ACSS3: variants seen among roughly 807,000 people sequenced by gnomAD.
ACSS3 encodes the protein acyl-CoA synthetase short-chain family member 3, mitochondrial.
In ACSS3, 64 loss-of-function variants were observed where a neutral mutation model predicts 84.2. The ratio of observed to expected loss-of-function variants is 0.76; its 90% CI spans 0.62 to 0.94. The LOEUF (loss-of-function observed/expected upper bound fraction) is 0.94. Among genes scored for constraint, ACSS3 ranks in the 40% least tolerant of loss-of-function variants. The probability of loss-of-function intolerance (pLI) is 0.00; values close to 1 mark genes in which losing one functional copy is unlikely to be tolerated. For missense variants in ACSS3, 815 were observed against 867.6 expected, an observed-to-expected ratio of 0.94 and a Z score of 0.76; for synonymous variants, 317 against 310.1, an observed-to-expected ratio of 1.02 and a Z score of -0.23.
At chr12:81,163,719 C>T (rs1402204302) in intron 7 of ACSS3, among the ~76,000 whole-genome samples, 1 of 151,912 alleles carries the variant, frequency 6.6e-6, no homozygotes, top group Non-Finnish European at 1.5e-5. Context: ...CCTGTGTAGG[C>T]CTAGGCTAAT....
chr12:81,139,269 AT>A lies in ACSS3; in HGVS notation c.780+5del. On this transcript the variant is annotated splice_donor_5th_base_variant and intron_variant, in intron 4 of 15. Transcript: ENST00000548058. ...CATTTATAATCGTCCAAATATGGTA[AT>A]CTGAATATTGAATTTGGTTCTTGCT... 1 of 1,613,618 alleles carries A rather than the reference AT, an allele frequency of 6.2e-7. No individual in the cohort carries two copies. The highest frequency in any genetic ancestry group is 1.7e-4 in the Middle Eastern group (1 of 6,058).
intron 9 of ACSS3, among the ~76,000 whole-genome samples, chr12:81,214,788 T>G (rs1921059): frequency 0.46 from 69,331 of 151,952 alleles, 16,094 homozygotes; most frequent in Middle Eastern, 0.5. Context: ...CTGTAAGAAC[T>G]GTAGAGAGTT....
chr12:81,098,799 C>T (rs1882275161), intron 1 of ACSS3, among the ~76,000 whole-genome samples: 1 of 152,196 alleles, frequency 6.6e-6, no homozygotes, highest in Non-Finnish European at 1.5e-5. Context: ...TTTTCACATC[C>T]ATCAGCTCCT....
chr12:81,078,399 G>T lies in ACSS3; in HGVS notation c.279G>T (p.Thr93=), dbSNP rs540422865. 13 of 1,612,510 alleles carry T rather than the reference G, an allele frequency of 8.1e-6. No homozygotes were observed. Among genetic ancestry groups the T allele is most frequent in the African/African-American group, 6.7e-5 (5 of 74,850 alleles). The part of the protein sequence containing the change: ...QISWYKPWTK[T]LENKHSPSTR... ...GCTGGTACAAGCCCTGGACCAAAAC[G>T]CTGGAGAACAAACACTCGCCCTCTA... Residue 93 remains threonine (T), a synonymous_variant, in exon 1 of 16, where the codon ACG becomes ACT. Transcript: ENST00000548058.
chr12:81,234,893 C>T (rs556927153), intron 13 of ACSS3, among the ~76,000 whole-genome samples: 42 of 151,302 alleles, frequency 2.8e-4, no homozygotes, highest in African/African-American at 9.9e-4. Context: ...GAAAAAAATA[C>T]TTTTCATTTT....
At chr12:81,214,012 G>T (rs1177520268) in intron 9 of ACSS3, among the ~76,000 whole-genome samples, 32 of 48,762 alleles carry the variant, frequency 6.6e-4, no homozygotes, top group Admixed American at 1.7e-3. Flanking sequence ...TCTTTCATCT[G>T]TCTGTCTGTC....
In ACSS3 at chr12:81,156,230, C is replaced by A. The variant is rs148408171; in HGVS notation, c.1098+4134C>A. 4.1e-3 allele frequency among the ~76,000 whole-genome samples: 622 copies of A among 151,384 alleles called. 4 individuals carry two copies. Among genetic ancestry groups the A allele is most frequent in the African/African-American group, 0.014 (588 of 41,338 alleles). On this transcript the variant is annotated intron_variant, in intron 7 of 15. Transcript: ENST00000548058. ...CACCCCACACACACACACACACACA[C>A]GTCTCTGGGTGTATATATCTCAAAC...
chr12:81,238,554 G>T (rs1286196143), intron 13 of ACSS3, among the ~76,000 whole-genome samples: 2 of 151,654 alleles, frequency 1.3e-5, no homozygotes, highest in Non-Finnish European at 2.9e-5. Flanking sequence ...ATAAATATAG[G>T]CCTATTCAGA....
intron 13 of ACSS3, among the ~76,000 whole-genome samples, chr12:81,234,319 T>C (rs2033559492): frequency 6.6e-6 from 1 of 151,466 alleles, no homozygotes; most frequent in African/African-American, 2.4e-5. Flanking sequence ...ATATGGGTTA[T>C]ATCTAGTTTG....
chr12:81,088,328 C>T (rs1160238155), intron 1 of ACSS3, among the ~76,000 whole-genome samples: 4 of 151,940 alleles, frequency 2.6e-5, no homozygotes, highest in Non-Finnish European at 4.4e-5. Context: ...CAATCGTTAC[C>T]GTATGGCATA....
chr12:81,170,539 C>G (rs2029954050), intron 7 of ACSS3, among the ~76,000 whole-genome samples: 1 of 152,004 alleles, frequency 6.6e-6, no homozygotes, highest in African/African-American at 2.4e-5. Context: ...ATCTAGGAAG[C>G]AACTAATAAT....
intron 1 of ACSS3, among the ~76,000 whole-genome samples, chr12:81,105,366 G>C (rs974266042): frequency 1.3e-5 from 2 of 152,044 alleles, no homozygotes; most frequent in African/African-American, 4.8e-5. Flanking sequence ...CTCAGGAATG[G>C]GCTCAACAGC....
At chr12:81,098,222 G>T (rs1367487449) in intron 1 of ACSS3, among the ~76,000 whole-genome samples, 2 of 151,310 alleles carry the variant, frequency 1.3e-5, no homozygotes, top group African/African-American at 4.9e-5. Flanking sequence ...TCTGGGGCTG[G>T]TTCCTGCCCT....
intron 11 of ACSS3, among the ~76,000 whole-genome samples, chr12:81,229,080 T>C (rs2033368102): frequency 1.3e-5 from 2 of 151,756 alleles, no homozygotes; most frequent in Admixed American, 1.3e-4. Context: ...TTTCCCTCAA[T>C]CCATCATAAA....
At chr12:81,192,409 CAGAA>C (rs1333542007) in intron 8 of ACSS3, among the ~76,000 whole-genome samples, 2 of 151,952 alleles carry the variant, frequency 1.3e-5, no homozygotes, top group African/African-American at 4.8e-5. Flanking sequence ...AAACAAAAAA[CAGAA>C]AGAAAAAAGA....
chr12:81,247,607 TAAG>T (rs1009516582), intron 13 of ACSS3, among the ~76,000 whole-genome samples: 17 of 152,124 alleles, frequency 1.1e-4, no homozygotes, highest in African/African-American at 3.4e-4. Flanking sequence ...ATTAAATGAC[TAAG>T]TTTTTATTAA....
rs972403248 is a variant in ACSS3 at position 81,186,562 on chromosome 12, A to G, written c.1250+11623A>G. Among the ~76,000 whole-genome samples the G allele has an allele frequency of 1.1e-4, 16 of 151,812 alleles. 1 individual carries two copies. Among genetic ancestry groups the G allele is most frequent in the African/African-American group, 3.6e-4 (15 of 41,412 alleles). ...AAATGGGCAAAATACCTGGAAACAC[A>G]TTTCTCCAAAGAAGGCATAAAAATA... On this transcript the variant is annotated intron_variant, in intron 8 of 15. Coordinates refer to ENST00000548058, the MANE Select transcript of ACSS3 (RefSeq NM_024560.4).
rs11613542 is a variant in ACSS3, at chr12:81,117,700, G to T, written c.456+7996G>T. ...TGATGGGAAGCTCCATATTGTCAAA[G>T]AAATCACTTTGGCATCTCTGAAGAT... is the stretch of plus-strand genomic sequence containing the variant. On this transcript the variant is annotated intron_variant, in intron 2 of 15. Coordinates refer to ENST00000548058, the MANE Select transcript of ACSS3 (RefSeq NM_024560.4). 8.4e-3 allele frequency among the ~76,000 whole-genome samples: 1,281 copies of T among 152,212 alleles called. 7 individuals carry two copies. The highest frequency in any genetic ancestry group is 0.013 in the Admixed American group (203 of 15,286).
At chr12:81,244,818 G>A (rs535222251) in intron 13 of ACSS3, among the ~76,000 whole-genome samples, 32 of 151,862 alleles carry the variant, frequency 2.1e-4, no homozygotes, top group South Asian at 4.2e-4. Flanking sequence ...CATATTAATC[G>A]TAGTTTTAAA....
Sources: gnomAD v4.1 joint callset for allele counts (sites outside exome capture counted in the v4.1 genomes callset) on GRCh38, gnomAD v4.1.1 for gene constraint, MANE v1.5 for transcripts, NCBI Gene and HGNC (gene_info 2026-07-23, HGNC 2026-07-21) for gene names.